Variants in FAF1 observed in about 807,000 individuals in gnomAD.
FAF1 encodes FAS-associated factor 1.
FAF1 carries 25 observed loss-of-function variants against 92.5 expected under a neutral mutation model. That is an observed-to-expected ratio of 0.27 (90% CI 0.20 to 0.38). The LOEUF (loss-of-function observed/expected upper bound fraction) is 0.38. Among genes scored for constraint, FAF1 ranks in the 10% least tolerant of loss-of-function variants. FAF1 has a pLI of 1.00. For missense variants in FAF1, 636 were observed against 793.3 expected, an observed-to-expected ratio of 0.80 and a Z score of 2.38; for synonymous variants, 234 against 273.2, an observed-to-expected ratio of 0.86 and a Z score of 1.42.
Position 50,878,929 on chromosome 1 carries a change from A to C in FAF1, c.46-20932T>G, listed in dbSNP as rs74343551. Among the ~76,000 whole-genome samples the C allele has an allele frequency of 7.1e-4, 108 of 152,334 alleles. 5 individuals carry two copies. In the East Asian group the frequency reaches 0.02, roughly 28 times the overall value. On this transcript the variant is annotated intron_variant, in intron 1 of 18. Transcript: ENST00000396153. ...CCCACAGCTCTGTCTCTCTTGTTAA[A>C]TGTTACTAAATGAAAGCATAAGTGA...
intron 17 of FAF1, among the ~76,000 whole-genome samples, chr1:50,482,984 T>TA (rs1646720668): frequency 6.6e-6 from 1 of 152,320 alleles, no homozygotes; most frequent in East Asian, 1.9e-4. Flanking sequence ...CTAATCTTGA[T>TA]AAAGTCTAAT....
chr1:50,830,401 C>T (rs193022135), intron 2 of FAF1, among the ~76,000 whole-genome samples: 55 of 152,332 alleles, frequency 3.6e-4, no homozygotes, highest in African/African-American at 1.2e-3. Flanking sequence ...TGAGCCATTG[C>T]GCCCAGCACC....
At chr1:50,837,623 G>T (rs1032779962) in intron 2 of FAF1, among the ~76,000 whole-genome samples, 3 of 152,166 alleles carry the variant, frequency 2.0e-5, no homozygotes, top group Non-Finnish European at 4.4e-5. Context: ...ACAATTGAAG[G>T]ATAATTACTA....
chr1:50,731,235 T>C (rs1453030894), intron 6 of FAF1, among the ~76,000 whole-genome samples: 1 of 152,196 alleles, frequency 6.6e-6, no homozygotes, highest in Non-Finnish European at 1.5e-5. Flanking sequence ...AAGCATCCCA[T>C]GAAAGGCACA....
intron 2 of FAF1, among the ~76,000 whole-genome samples, chr1:50,829,582 C>CT (rs1321978228): frequency 1.3e-5 from 2 of 152,200 alleles, no homozygotes; most frequent in African/African-American, 4.8e-5. Context: ...GAAGCTGAGA[C>CT]TGCAACTCAG....
At chr1:50,950,457 CTG>C (rs1645205782) in intron 1 of FAF1, among the ~76,000 whole-genome samples, 3 of 152,242 alleles carry the variant, frequency 2.0e-5, no homozygotes, top group African/African-American at 7.2e-5. Flanking sequence ...ATTAAAATCT[CTG>C]TCTCAACTAC....
intron 4 of FAF1, among the ~76,000 whole-genome samples, chr1:50,756,789 C>T (rs1263184092): frequency 2.0e-5 from 3 of 152,150 alleles, no homozygotes; most frequent in Non-Finnish European, 4.4e-5. Flanking sequence ...AGAGCTTGTG[C>T]AGGGAAACTC....
At chr1:50,785,939 G>A (rs976723039) in intron 4 of FAF1, among the ~76,000 whole-genome samples, 5 of 151,894 alleles carry the variant, frequency 3.3e-5, no homozygotes, top group Admixed American at 3.3e-4. Context: ...ACCAGCCTGG[G>A]AAAGAAAGTA....
intron 3 of FAF1, among the ~76,000 whole-genome samples, chr1:50,800,033 A>G (rs1336360133): frequency 6.6e-6 from 1 of 152,204 alleles, no homozygotes; most frequent in Non-Finnish European, 1.5e-5. Context: ...ATGTAGACAT[A>G]TGTTTCATTC....
intron 12 of FAF1, among the ~76,000 whole-genome samples, chr1:50,570,399 A>T (rs1333399345): frequency 6.6e-6 from 1 of 152,196 alleles, no homozygotes; most frequent in Non-Finnish European, 1.5e-5. Context: ...GCTTTGTGGT[A>T]AGCGACTGGC....
At chr1:50,483,755 A>G (rs1646727833) in intron 17 of FAF1, among the ~76,000 whole-genome samples, 1 of 152,186 alleles carries the variant, frequency 6.6e-6, no homozygotes, top group Non-Finnish European at 1.5e-5. Context: ...TAAGTTCTGC[A>G]TATATTTGCA....
intron 12 of FAF1, among the ~76,000 whole-genome samples, chr1:50,569,744 AGATTAGT>A (rs1260448080): frequency 6.6e-6 from 1 of 152,158 alleles, no homozygotes; most frequent in Non-Finnish European, 1.5e-5. Context: ...TTTGGGAAAG[AGATTAGT>A]GATTTACATT....
At chr1:50,455,792 G>T (rs1646344312) in intron 18 of FAF1, among the ~76,000 whole-genome samples, 1 of 152,108 alleles carries the variant, frequency 6.6e-6, no homozygotes, top group Non-Finnish European at 1.5e-5. Context: ...CCTTCCTACT[G>T]CACTACATTC....
At chr1:50,854,763 T>G (rs950061779) in intron 2 of FAF1, among the ~76,000 whole-genome samples, 4 of 151,842 alleles carry the variant, frequency 2.6e-5, no homozygotes, top group African/African-American at 9.7e-5. Flanking sequence ...ATCAGTGTGT[T>G]TAGATCTACA....
intron 2 of FAF1, among the ~76,000 whole-genome samples, chr1:50,852,075 GAAA>G (rs932949042): frequency 6.6e-6 from 1 of 151,408 alleles, no homozygotes; most frequent in South Asian, 2.1e-4. Context: ...AAACAGGAAA[GAAA>G]AAAAGATTTG....
At chr1:50,954,887 T>C (rs1334362642) in intron 1 of FAF1, among the ~76,000 whole-genome samples, 1 of 152,154 alleles carries the variant, frequency 6.6e-6, no homozygotes, top group Non-Finnish European at 1.5e-5. Flanking sequence ...CACACATCTG[T>C]AGTCCCACCT....
intron 6 of FAF1, among the ~76,000 whole-genome samples, chr1:50,727,351 CACCTAGA>C (rs376925566): frequency 2.7e-4 from 41 of 152,322 alleles, no homozygotes; most frequent in African/African-American, 8.4e-4. Flanking sequence ...ATATCCCTAG[CACCTAGA>C]ACAAAGACTT....
intron 2 of FAF1, among the ~76,000 whole-genome samples, chr1:50,855,045 A>G (rs892760619): frequency 6.6e-6 from 1 of 151,882 alleles, no homozygotes; most frequent in Non-Finnish European, 1.5e-5. Flanking sequence ...TTTGGATTTT[A>G]GATTTTTGGA....
intron 2 of FAF1, among the ~76,000 whole-genome samples, chr1:50,819,320 A>G (rs1644008990): frequency 6.6e-6 from 1 of 151,868 alleles, no homozygotes; most frequent in African/African-American, 2.4e-5. Flanking sequence ...TAAAATCCGT[A>G]TGTTTTACTA....
Sources: allele counts gnomAD v4.1 joint callset (sites outside exome capture counted in the v4.1 genomes callset), GRCh38; gene constraint gnomAD v4.1.1; transcripts MANE v1.5; gene names NCBI Gene and HGNC (gene_info 2026-07-23, HGNC 2026-07-21).